DNAH1: variants seen among roughly 807,000 people sequenced by gnomAD.
The protein encoded by DNAH1 is dynein axonemal heavy chain 1, also known as axonemal beta dynein heavy chain 1.
DNAH1 carries 327 observed loss-of-function variants against 484.3 expected under a neutral mutation model. The ratio of observed to expected loss-of-function variants is 0.68; its 90% CI spans 0.62 to 0.74. The LOEUF (loss-of-function observed/expected upper bound fraction) is 0.74, where lower values mean the gene tolerates loss of function less well. DNAH1 is among the 30% of genes least tolerant of loss of function. The pLI, the probability that DNAH1 is intolerant of heterozygous loss-of-function variation, is 0.00. For missense variants in DNAH1, 5,052 were observed against 5,546.8 expected, an observed-to-expected ratio of 0.91 and a Z score of 2.83; for synonymous variants, 2,192 against 2,191.9, an observed-to-expected ratio of 1.00 and a Z score of 0.00.
chr3:52,367,286 G>T (rs538103847), intron 36 of DNAH1, among the ~76,000 whole-genome samples: 44 of 152,250 alleles, frequency 2.9e-4, no homozygotes, highest in African/African-American at 1.0e-3. Flanking sequence ...CTGCTGAGAC[G>T]TCGGCACCTC....
the DNAH1 span, among the ~76,000 whole-genome samples, chr3:52,311,056 G>A: frequency 3.9e-5 from 6 of 152,308 alleles, no homozygotes; most frequent in South Asian, 6.2e-4. Context: ...TTTCACACCC[G>A]GGACTTGGCC....
At position 52,320,648 on chromosome 3, in the gene DNAH1, C is replaced by A. The variant is rs1476210162; in HGVS notation, c.-34-1761C>A. On this transcript the variant is annotated intron_variant, in intron 1 of 77. Coordinates refer to ENST00000420323, the MANE Select transcript of DNAH1 (RefSeq NM_015512.5). The stretch of plus-strand genomic sequence containing the variant: ...GCCTACACTAGCACAAAACACCCAG[C>A]AAAAAGAGTGCCCTGTTCTTCAAGC... Among the ~76,000 whole-genome samples, 7 of 152,214 alleles carry A rather than the reference C, an allele frequency of 4.6e-5. No individual in the cohort carries two copies. In the East Asian group the frequency reaches 1.3e-3, roughly 29 times the overall value.
intron 53 of DNAH1, 27 bp downstream of exon 53, chr3:52,385,004 A>C: frequency 1.3e-6 from 2 of 1,598,520 alleles, no homozygotes; most frequent in Non-Finnish European, 1.7e-6. Flanking sequence ...CCCCGTGGAC[A>C]AGGTCAGCTG....
chr3:52,331,746 T>C (rs1358858134), intron 7 of DNAH1, among the ~76,000 whole-genome samples: 1 of 150,754 alleles, frequency 6.6e-6, no homozygotes, highest in Non-Finnish European at 1.5e-5. Context: ...TGCCTCAGTC[T>C]CCCAAGTAAC....
chr3:52,386,282 G>A lies in DNAH1; in HGVS notation c.8748G>A (p.Ala2916=), dbSNP rs200942259. 1.3e-4 allele frequency: 211 copies of A among 1,608,638 alleles called. 1 individual carries two copies. The South Asian group carries it at 1.8e-3, about 14-fold the overall frequency. Residue 2916 remains alanine (A), a synonymous_variant, in exon 55 of 78, where the codon GCG becomes GCA. Coordinates refer to ENST00000420323, the MANE Select transcript of DNAH1 (RefSeq NM_015512.5). ...ADDAQKDLDE[A]LPALDAALAS... ...ATGCCCAGAAGGACCTGGACGAGGC[G>A]TTGCCAGCCCTGGATGCGGCTCTGG...
At chr3:52,323,700 T>G (rs1701232245) in intron 2 of DNAH1, 108 bp from the exon 3 acceptor site, 1 of 715,828 alleles carries the variant, frequency 1.4e-6, no homozygotes, top group Non-Finnish European at 2.4e-6. Context: ...GCTCCTGGAG[T>G]GCTCCCTGGT....
At chr3:52,349,545 C>G in intron 14 of DNAH1, 125 bp downstream of exon 14, 1 of 907,336 alleles carries the variant, frequency 1.1e-6, no homozygotes, top group South Asian at 1.6e-5. Context: ...ATGCCCAGGC[C>G]AAGGGAAGGA....
At chr3:52,329,641 C>T (rs1175592042) in intron 6 of DNAH1, among the ~76,000 whole-genome samples, 1 of 152,046 alleles carries the variant, frequency 6.6e-6, no homozygotes, top group African/African-American at 2.4e-5. Flanking sequence ...GCCTGAACAA[C>T]AGATGAAACC....
In DNAH1 at chr3:52,396,520, C is replaced by A; in HGVS notation, c.11412C>A (p.Phe3804Leu). 1.2e-6 allele frequency: 2 copies of A among 1,611,878 alleles called. No individual in the cohort carries two copies. The highest frequency in any genetic ancestry group is 2.2e-5 in the South Asian group (2 of 90,834). ...LKSYSSLGED[F>L]LNSCHKVMEF... ...CCTATAGTAGCCTTGGTGAAGACTT[C>A]CTCAACTCCTGCCACAAGGTGAGGC... The change falls in exon 71 of 78, where the codon TTC becomes TTA. Residue 3804 changes from phenylalanine (F) to leucine (L), a missense_variant. This residue lies in a region of DNAH1 where 853 missense variants were observed against 899.0 expected (regional missense o/e 0.95). Coordinates refer to ENST00000420323, the MANE Select transcript of DNAH1 (RefSeq NM_015512.5).
Position 52,353,175 on chromosome 3 carries a change from C to A in DNAH1, c.3100C>A (p.Leu1034Met). 1 of 1,614,012 alleles carries A rather than the reference C, an allele frequency of 6.2e-7. No individual in the cohort carries two copies. The highest frequency in any genetic ancestry group is 8.5e-7 in the Non-Finnish European group (1 of 1,179,890). The change falls in exon 19 of 78, where the codon CTG becomes ATG. Residue 1034 changes from leucine to methionine, a missense_variant. Around this residue, in one of 4 missense-constraint regions of DNAH1, gnomAD observed 2,929 missense variants for 3,409.4 expected, o/e 0.86. Coordinates refer to ENST00000420323, the MANE Select transcript of DNAH1 (RefSeq NM_015512.5). The surrounding 1 kb of genome is among the most constrained non-coding windows in gnomAD (Gnocchi z 5.0). ...LDLWTTASDWLRWSESWMNDP... is the reference protein window; with the variant it reads ...LDLWTTASDWMRWSESWMNDP... The stretch of plus-strand genomic sequence containing the variant: ...CCTTTGGACCACAGCGTCTGACTGG[C>A]TGCGCTGGTCGGAGAGCTGGATGAA...
intron 50 of DNAH1, among the ~76,000 whole-genome samples, chr3:52,382,667 C>T (rs993276660): frequency 1.3e-5 from 2 of 152,198 alleles, no homozygotes; most frequent in African/African-American, 4.8e-5. Context: ...GGGTATAGAT[C>T]ATCACTCATG....
intron 53 of DNAH1, 131 bp from the exon 54 acceptor site, chr3:52,385,206 G>A (rs773523629): frequency 3.1e-5 from 33 of 1,061,118 alleles, no homozygotes; most frequent in East Asian, 1.0e-4. Context: ...CTCTGGGGTC[G>A]GCTGGGCAAT....
chr3:52,380,100 G>A lies in DNAH1; in HGVS notation c.7573G>A (p.Val2525Ile). The A allele has an allele frequency of 3.1e-6, 5 of 1,603,808 alleles. No individual in the cohort carries two copies. Among genetic ancestry groups the A allele is most frequent in the Non-Finnish European group, 4.3e-6 (5 of 1,175,150 alleles). Residue 2525 changes from valine (V) to isoleucine (I), a missense_variant, in exon 48 of 78, where the codon GTC (valine) becomes ATC (isoleucine). Val to Ile is a conservative substitution (Grantham distance 29). Around this residue, in one of 4 missense-constraint regions of DNAH1, gnomAD observed 2,929 missense variants for 3,409.4 expected, o/e 0.86. Coordinates refer to ENST00000420323, the MANE Select transcript of DNAH1 (RefSeq NM_015512.5). The stretch of plus-strand genomic sequence containing the variant: ...GGACTTCATGTCACCAGGCTCCGAT[G>A]TCAAGTCCTACGAGCTCATCACCAG... ...YGDFMSPGSDVKSYELITSES... is the reference protein window; with the variant it reads ...YGDFMSPGSDIKSYELITSES...
Position 52,373,559 on chromosome 3 carries a change from C to G in DNAH1, c.6985+506C>G, listed in dbSNP as rs1345453924. On this transcript the variant is annotated intron_variant, in intron 44 of 77. Transcript: ENST00000420323. ...TGTCTGCTAAAATAAAAGTACCCGT[C>G]TCTCAGCCCATAGTGAAGAAAGACA... The G allele has an allele frequency of 4.1e-6, 6 of 1,481,104 alleles. No homozygotes were observed. The Middle Eastern group carries it at 8.7e-4, about 216-fold the overall frequency. The allele number at this position is 1,481,104 out of a possible 1,614,324, so 91.7% of individuals were successfully genotyped here. A position where few individuals can be genotyped will look rare whatever the true frequency, so the allele number is the denominator to read the frequency against.
intron 1 of DNAH1, among the ~76,000 whole-genome samples, chr3:52,319,722 T>C (rs897536260): frequency 6.6e-6 from 1 of 152,212 alleles, no homozygotes; most frequent in Non-Finnish European, 1.5e-5. Flanking sequence ...GGGTCTTTCT[T>C]TCTGTCTGTC....
At position 52,380,115 on chromosome 3, in the gene DNAH1, C is replaced by T. The variant is rs757175472; in HGVS notation, c.7588C>T (p.Leu2530Phe). Residue 2530 changes from leucine to phenylalanine, a missense_variant, in exon 48 of 78, where the codon CTC becomes TTC. Around this residue, in one of 4 missense-constraint regions of DNAH1, gnomAD observed 2,929 missense variants for 3,409.4 expected, o/e 0.86. Transcript: ENST00000420323. ...AGGCTCCGATGTCAAGTCCTACGAG[C>T]TCATCACCAGTGAGAGTAAGGTGAG... ...SPGSDVKSYE[L>F]ITSESKMMQV... The T allele has an allele frequency of 8.8e-6, 14 of 1,598,628 alleles. No homozygotes were observed. The South Asian group carries it at 1.6e-4, about 18-fold the overall frequency.
At position 52,346,776 on chromosome 3, in the gene DNAH1, G is replaced by A. The variant is rs1204809258; in HGVS notation, c.1955+6G>A. 6.2e-7 allele frequency: 1 copy of A among 1,600,052 alleles called. No homozygotes were observed. Among genetic ancestry groups the A allele is most frequent in the East Asian group, 2.2e-5 (1 of 44,486 alleles). ...TTAATTAACAGCCCCTACAGGTGGG[G>A]CCCGGCGGGGCGGAGGCACCTGTTG... On this transcript the variant is annotated splice_donor_region_variant and intron_variant, in intron 11 of 77. Coordinates refer to ENST00000420323, the MANE Select transcript of DNAH1 (RefSeq NM_015512.5).
chr3:52,328,884 A>C (rs1701446837), intron 6 of DNAH1, among the ~76,000 whole-genome samples: 1 of 152,190 alleles, frequency 6.6e-6, no homozygotes, highest in African/African-American at 2.4e-5. Flanking sequence ...AGATGCTGTG[A>C]GTTGGGAGTG....
intron 34 of DNAH1, 149 bp downstream of exon 34, chr3:52,365,168 C>T (rs1371905228): frequency 8.5e-7 from 1 of 1,180,820 alleles, no homozygotes; most frequent in Non-Finnish European, 1.1e-6. Context: ...GCCGAGCAAT[C>T]CAGAGGCAGG....
Sources: gnomAD v4.1 joint callset for allele counts (sites outside exome capture counted in the v4.1 genomes callset) on GRCh38, gnomAD v4.1.1 for gene constraint, gnomAD v4.1.1 regional missense constraint, Gnocchi (gnomAD v3.1) non-coding constraint, MANE v1.5 for transcripts, NCBI Gene and HGNC (gene_info 2026-07-23, HGNC 2026-07-21) for gene names.